The following HOXC9 variants were observed in gnomAD, a reference collection of about 807,000 sequenced individuals.
HOXC9 encodes homeobox protein Hox-C9.
A neutral mutation model predicts 20.0 loss-of-function variants in HOXC9; 10 were observed. The ratio of observed to expected loss-of-function variants is 0.50; its 90% CI spans 0.31 to 0.85. HOXC9 has a LOEUF of 0.85. Ranked by LOEUF, HOXC9 falls within the 40% of genes least tolerant of loss-of-function variation. The pLI is 0.05. For missense variants in HOXC9, 394 were observed against 376.7 expected, an observed-to-expected ratio of 1.05 and a Z score of -0.38; for synonymous variants, 200 against 163.7, an observed-to-expected ratio of 1.22 and a Z score of -1.69.
chr12:54,000,426 T>C lies in HOXC9; in HGVS notation c.238T>C (p.Tyr80His). 6.2e-7 allele frequency: 1 copy of C among 1,609,670 alleles called. No individual in the cohort carries two copies. The highest frequency in any genetic ancestry group is 8.5e-7 in the Non-Finnish European group (1 of 1,179,932). ...TCAGTCGTCCGTGGTATATCACCCG[T>C]ACGGCCCCCAGCCCCACCTCGGCGC... ...PSQSSVVYHP[Y>H]GPQPHLGADT... The change falls in exon 1 of 2, where the codon TAC (tyrosine) becomes CAC (histidine). Residue 80 changes from tyrosine (Y) to histidine (H), a missense_variant. Physicochemically the swap from Tyr to His is moderately conservative, Grantham distance 83. Transcript: ENST00000303450.
intron 1 of HOXC9, among the ~76,000 whole-genome samples, chr12:54,001,669 AG>A (rs1939748035): frequency 6.6e-6 from 1 of 152,100 alleles, no homozygotes; most frequent in African/African-American, 2.4e-5. Context: ...CAGCCCCATA[AG>A]GGGCCAGGGC....
chr12:54,000,783 C>A, intron 1 of HOXC9, 57 bp downstream of exon 1: 1 of 1,284,058 alleles, frequency 7.8e-7, no homozygotes, highest in Non-Finnish European at 1.0e-6. Context: ...GGAGGACGGG[C>A]GGGGGCAGCC....
chr12:54,002,335 C>T, intron 1 of HOXC9, 95 bp from the exon 2 acceptor site: 10 of 1,432,428 alleles, frequency 7.0e-6, no homozygotes, highest in Non-Finnish European at 9.4e-6. Context: ...TCAGTTATTG[C>T]ATTTGGGGAG....
chr12:54,000,810 G>A, intron 1 of HOXC9, 84 bp downstream of exon 1: 1 of 1,254,600 alleles, frequency 8.0e-7, no homozygotes, highest in Non-Finnish European at 1.1e-6. Flanking sequence ...CAGCCCTCCC[G>A]AACCGTGCAG....
rs749476187 is a variant in HOXC9, at chr12:54,002,477, C to T, written c.586C>T (p.Arg196Cys). 4 of 1,613,994 alleles carry T rather than the reference C, an allele frequency of 2.5e-6. No homozygotes were observed. The highest frequency in any genetic ancestry group is 1.1e-5 in the South Asian group (1 of 91,080). The change falls in exon 2 of 2, where the codon CGC becomes TGC. Residue 196 changes from arginine (R) to cysteine (C), a missense_variant. By Grantham distance (180) the Arg-to-Cys change is radical (BLOSUM62 -3). Transcript: ENST00000303450. Reference sequence around the variant, plus strand: ...TCACGCCCGCTCCACGAGGAAGAAGCGCTGCCCCTACACCAAGTACCAGAC... The same window carrying T: ...TCACGCCCGCTCCACGAGGAAGAAGTGCTGCCCCTACACCAAGTACCAGAC... ...WIHARSTRKK[R>C]CPYTKYQTLE...
Position 54,000,658 on chromosome 12 carries a change from T to A in HOXC9, c.470T>A (p.Leu157Gln). Reference sequence around the variant, plus strand: ...CTGCGCGACCGCGCCCCGCAGACACTGCCCTCGCCCGAGGCGGACGCGCTC... The same window carrying A: ...CTGCGCGACCGCGCCCCGCAGACACAGCCCTCGCCCGAGGCGGACGCGCTC... ...GELRDRAPQT[L>Q]PSPEADALAG... Residue 157 changes from leucine to glutamine, a missense_variant, in exon 1 of 2, where the codon CTG (leucine) becomes CAG (glutamine). Coordinates refer to ENST00000303450, the MANE Select transcript of HOXC9 (RefSeq NM_006897.3). 1 of 1,558,736 alleles carries A rather than the reference T, an allele frequency of 6.4e-7. No homozygotes were observed. The highest frequency in any genetic ancestry group is 8.6e-7 in the Non-Finnish European group (1 of 1,158,042).
Position 54,001,452 on chromosome 12 carries a change from A to T in HOXC9, c.538+726A>T, listed in dbSNP as rs201215692. Among the ~76,000 whole-genome samples the T allele has an allele frequency of 2.3e-4, 35 of 150,590 alleles. No individual in the cohort carries two copies. In the East Asian group the frequency reaches 6.5e-3, roughly 28 times the overall value. On this transcript the variant is annotated intron_variant, in intron 1 of 1. Transcript: ENST00000303450. ...TCTACACACACACACACACACACACACACTCACTCTCACTCACTCACTCCA... is the reference window on the plus strand; with the variant it reads ...TCTACACACACACACACACACACACTCACTCACTCTCACTCACTCACTCCA...
intron 1 of HOXC9, among the ~76,000 whole-genome samples, chr12:54,002,109 T>C (rs908917980): frequency 6.6e-6 from 1 of 152,102 alleles, no homozygotes; most frequent in African/African-American, 2.4e-5. Context: ...GAAGCGTTTA[T>C]GGGCCTATGA....
Position 54,000,587 on chromosome 12 carries a change from G to C in HOXC9, c.399G>C (p.Gly133=). 2 of 1,533,490 alleles carry C rather than the reference G, an allele frequency of 1.3e-6. No individual in the cohort carries two copies. Among genetic ancestry groups the C allele is most frequent in the Non-Finnish European group, 1.7e-6 (2 of 1,147,596 alleles). The allele number at this position is 1,533,490 out of a possible 1,614,324, so 95.0% of individuals were successfully genotyped here. ...GGCGCCGCGCGGACTGCGGCCCAGG[G>C]GAGGGCCGCAGCTACCCGGACTACA... The part of the protein sequence containing the change: ...YPGRRADCGP[G]EGRSYPDYMY... Residue 133 remains glycine, a synonymous_variant, in exon 1 of 2, where the codon GGG becomes GGC. Coordinates refer to ENST00000303450, the MANE Select transcript of HOXC9 (RefSeq NM_006897.3).
chr12:54,003,099 CAA>C lies in HOXC9; in HGVS notation c.*436_*437del, dbSNP rs552842833. 16 of 135,966 alleles carry C rather than the reference CAA, an allele frequency of 1.2e-4. No individual in the cohort carries two copies. Among genetic ancestry groups the C allele is most frequent in the South Asian group, 9.2e-4 (4 of 4,360 alleles). The allele number at this position is 135,966 out of a possible 1,614,324, so 8.4% of individuals were successfully genotyped here. A position where few individuals can be genotyped will look rare whatever the true frequency, so the allele number is the denominator to read the frequency against. On this transcript the variant is annotated 3_prime_UTR_variant, in exon 2 of 2. Coordinates refer to ENST00000303450, the MANE Select transcript of HOXC9 (RefSeq NM_006897.3). ...GGGCGCTCTGCGTGCAGATTTTGTA[CAA>C]AAAAAAAAAAGACACACACACATAC...
At position 54,000,648 on chromosome 12, in the gene HOXC9, C is replaced by G. The variant is rs1337697539; in HGVS notation, c.460C>G (p.Pro154Ala). ...GSPGELRDRA[P>A]QTLPSPEADA... ...GCCCGGGGAGCTGCGCGACCGCGCC[C>G]CGCAGACACTGCCCTCGCCCGAGGC... Residue 154 changes from proline (P) to alanine (A), a missense_variant, in exon 1 of 2, where the codon CCG (proline) becomes GCG (alanine). Transcript: ENST00000303450. 6.4e-7 allele frequency: 1 copy of G among 1,554,444 alleles called. No homozygotes were observed. The highest frequency in any genetic ancestry group is 1.2e-5 in the South Asian group (1 of 85,444).
At position 54,002,911 on chromosome 12, in the gene HOXC9, G is replaced by T. The variant is rs923736963; in HGVS notation, c.*237G>T. The T allele has an allele frequency of 2.6e-6, 1 of 384,012 alleles. No homozygotes were observed. The highest frequency in any genetic ancestry group is 4.2e-5 in the Admixed American group (1 of 23,558). The allele number at this position is 384,012 out of a possible 1,614,324, so 23.8% of individuals were successfully genotyped here. ...TTCTACCCAGCGAGGAGGAGGCGGG[G>T]AGAGAAACTGCGTTCTCTTTCCCCA... On this transcript the variant is annotated 3_prime_UTR_variant, in exon 2 of 2. Coordinates refer to ENST00000303450, the MANE Select transcript of HOXC9 (RefSeq NM_006897.3).
chr12:54,002,607 G>A lies in HOXC9; in HGVS notation c.716G>A (p.Trp239Ter), dbSNP rs1565726146. 13 of 1,614,102 alleles carry A rather than the reference G, an allele frequency of 8.1e-6. No individual in the cohort carries two copies. The highest frequency in any genetic ancestry group is 1.1e-5 in the Non-Finnish European group (13 of 1,180,022). Residue 239 changes from tryptophan (W) to a stop codon, truncating the protein, a stop_gained, in exon 2 of 2, where the codon TGG (tryptophan) becomes TAG (stop). Coordinates refer to ENST00000303450, the MANE Select transcript of HOXC9 (RefSeq NM_006897.3). LOFTEE classifies it high-confidence loss of function. ...LNLTERQVKI[W>*]FQNRRMKMKK... is the part of the protein sequence containing the mutation. ...CTCACCGAGCGGCAGGTCAAAATCT[G>A]GTTTCAGAATCGAAGGATGAAGATG...
At position 54,000,521 on chromosome 12, in the gene HOXC9, C is replaced by G. The variant is rs562344450; in HGVS notation, c.333C>G (p.Ala111=). 1.3e-6 allele frequency: 2 copies of G among 1,588,290 alleles called. No homozygotes were observed. Among genetic ancestry groups the G allele is most frequent in the South Asian group, 1.1e-5 (1 of 89,590 alleles). Reference sequence around the variant, plus strand: ...CCGTCTCCTTCCCCAGCTTCCCGGCCGGGGGCCGTCACTACGCCCTCAAGC... The same window carrying G: ...CCGTCTCCTTCCCCAGCTTCCCGGCGGGGGGCCGTCACTACGCCCTCAAGC... ...SGAVSFPSFP[A]GGRHYALKPD... Residue 111 remains alanine, a synonymous_variant, in exon 1 of 2, where the codon GCC becomes GCG. Coordinates refer to ENST00000303450, the MANE Select transcript of HOXC9 (RefSeq NM_006897.3).
intron 1 of HOXC9, among the ~76,000 whole-genome samples, chr12:54,001,680 C>T (rs1355797825): frequency 2.0e-5 from 3 of 151,992 alleles, no homozygotes; most frequent in Non-Finnish European, 4.4e-5. Context: ...GGGGCCAGGG[C>T]CTAATTATAC....
intron 1 of HOXC9, among the ~76,000 whole-genome samples, chr12:54,002,015 T>C (rs956097912): frequency 5.1e-5 from 7 of 138,476 alleles, no homozygotes; most frequent in Non-Finnish European, 9.4e-5. Flanking sequence ...GACTTGGTCG[T>C]GGGCTGGGAG....
chr12:54,001,426 T>C (rs528053397), intron 1 of HOXC9, among the ~76,000 whole-genome samples: 31 of 141,600 alleles, frequency 2.2e-4, no homozygotes, highest in African/African-American at 9.0e-4. Context: ...GATTAGAGAA[T>C]TCTACACACA....
In HOXC9 at chr12:54,000,403, AGT is replaced by A. The variant is rs1276005858; in HGVS notation, c.216_217del (p.Gln72HisfsTer152). On this transcript the variant is annotated frameshift_variant, in exon 1 of 2. Coordinates refer to ENST00000303450, the MANE Select transcript of HOXC9 (RefSeq NM_006897.3). LOFTEE classifies it high-confidence loss of function. ...ACGTCGTGGGCGCCCGTGCCCTCTCAGTCGTCCGTGGTATATCACCCGTACGG... is the reference window on the plus strand; with the variant it reads ...ACGTCGTGGGCGCCCGTGCCCTCTCACGTCCGTGGTATATCACCCGTACGG... The A allele has an allele frequency of 6.2e-7, 1 of 1,612,572 alleles. No homozygotes were observed.
Position 54,000,236 on chromosome 12 carries a change from C to T in HOXC9, c.48C>T (p.Ile16=). ...PISNYYVDSL[I]SHDNEDLLAS... Reference sequence around the variant, plus strand: ...GTAACTATTACGTGGACTCGCTCATCTCTCACGACAATGAAGACCTCCTAG... The same window carrying T: ...GTAACTATTACGTGGACTCGCTCATTTCTCACGACAATGAAGACCTCCTAG... The change falls in exon 1 of 2, where the codon ATC becomes ATT. Residue 16 remains isoleucine (I), a synonymous_variant. Transcript: ENST00000303450. 4 of 1,614,212 alleles carry T rather than the reference C, an allele frequency of 2.5e-6. No homozygotes were observed. Among genetic ancestry groups the T allele is most frequent in the Non-Finnish European group, 3.4e-6 (4 of 1,180,050 alleles).
Sources: allele counts gnomAD v4.1 joint callset (sites outside exome capture counted in the v4.1 genomes callset), GRCh38; gene constraint gnomAD v4.1.1; transcripts MANE v1.5; gene names NCBI Gene and HGNC (gene_info 2026-07-23, HGNC 2026-07-21).